Variants in TOX2 observed in about 807,000 individuals in gnomAD.
The protein encoded by TOX2 is TOX high mobility group box family member 2.
TOX2 carries 15 observed loss-of-function variants against 47.4 expected under a neutral mutation model. The ratio of observed to expected loss-of-function variants is 0.32; its 90% CI spans 0.21 to 0.49. The LOEUF (loss-of-function observed/expected upper bound fraction) is 0.49, where lower values mean the gene tolerates loss of function less well. Ranked by LOEUF, TOX2 falls within the 20% of genes least tolerant of loss-of-function variation. The pLI, the probability that TOX2 is intolerant of heterozygous loss-of-function variation, is 0.99. For missense variants in TOX2, 622 were observed against 673.1 expected (o/e 0.92, Z 0.84); for synonymous variants, 290 against 296.6 (o/e 0.98, Z 0.23).
intron 1 of TOX2, among the ~76,000 whole-genome samples, chr20:43,922,826 A>G (rs73908110): frequency 5.1e-4 from 77 of 152,298 alleles, no homozygotes; most frequent in African/African-American, 1.8e-3. Flanking sequence ...CAGATGTTCA[A>G]CAGGTTTTTA....
intron 1 of TOX2, among the ~76,000 whole-genome samples, chr20:43,938,830 C>A (rs2069363891): frequency 6.6e-6 from 1 of 152,160 alleles, no homozygotes; most frequent in African/African-American, 2.4e-5. Context: ...TGACGCCTGC[C>A]CCCAGCACAA....
intron 1 of TOX2, among the ~76,000 whole-genome samples, chr20:43,962,459 G>A (rs1243223166): frequency 6.6e-6 from 1 of 152,240 alleles, no homozygotes; most frequent in African/African-American, 2.4e-5. Flanking sequence ...TCCCATGGCT[G>A]GGGCGAGATT....
rs527450190 is a variant in TOX2, at chr20:44,066,533, C to T, written c.1357-197C>T. On this transcript the variant is annotated intron_variant, in intron 7 of 8. Transcript: ENST00000341197. Reference sequence around the variant, plus strand: ...AGGGAAAGGCCCTGAAAGCCAAGTCCTTCAGCCCCTGATTCAGCCAAGACA... The same window carrying T: ...AGGGAAAGGCCCTGAAAGCCAAGTCTTTCAGCCCCTGATTCAGCCAAGACA... Among the ~76,000 whole-genome samples, 4 of 152,346 alleles carry T rather than the reference C, an allele frequency of 2.6e-5. No homozygotes were observed. In the South Asian group the frequency reaches 8.3e-4, roughly 32 times the overall value.
chr20:43,915,468 G>C lies in TOX2; in HGVS notation c.99+478G>C, dbSNP rs1435512947. ...ACCCGCTGTCACACCCAGGCACAAC[G>C]GGGGACAGTCACACAAAGAAGTCGC... On this transcript the variant is annotated intron_variant, in intron 1 of 8. Coordinates refer to ENST00000341197, the MANE Select transcript of TOX2 (RefSeq NM_001098797.2). The surrounding 1 kb of genome is among the most constrained non-coding windows in gnomAD (Gnocchi z 7.1). 6.6e-6 allele frequency among the ~76,000 whole-genome samples: 1 copy of C among 151,866 alleles called. No homozygotes were observed. The highest frequency in any genetic ancestry group is 2.4e-5 in the African/African-American group (1 of 41,338).
At chr20:44,049,067 C>T (rs1020238319) in intron 3 of TOX2, among the ~76,000 whole-genome samples, 2 of 152,210 alleles carry the variant, frequency 1.3e-5, no homozygotes, top group African/African-American at 4.8e-5. Flanking sequence ...AAGATCGCGC[C>T]ACTGCACTCC....
At chr20:44,046,710 C>T (rs1490002872) in intron 3 of TOX2, among the ~76,000 whole-genome samples, 1 of 151,916 alleles carries the variant, frequency 6.6e-6, no homozygotes, top group Non-Finnish European at 1.5e-5. Context: ...AGATTTTACA[C>T]CTAAAGTAAA....
intron 1 of TOX2, among the ~76,000 whole-genome samples, chr20:43,952,899 G>C (rs751054671): frequency 6.6e-6 from 1 of 152,112 alleles, no homozygotes; most frequent in Non-Finnish European, 1.5e-5. Context: ...AATGGCAAAA[G>C]GGGCTCTGCA....
chr20:44,045,619 T>C (rs1373020039), intron 3 of TOX2, among the ~76,000 whole-genome samples: 1 of 152,212 alleles, frequency 6.6e-6, no homozygotes, highest in African/African-American at 2.4e-5. Flanking sequence ...TTTTACATAC[T>C]AGTCTACACT....
chr20:44,039,824 A>C (rs936848252), intron 3 of TOX2, among the ~76,000 whole-genome samples: 11 of 152,280 alleles, frequency 7.2e-5, no homozygotes, highest in Middle Eastern at 3.4e-3. Context: ...GCTGAGGGTC[A>C]TTCCTGGGGC....
intron 1 of TOX2, among the ~76,000 whole-genome samples, chr20:43,952,436 T>A (rs2069595230): frequency 6.6e-6 from 1 of 152,162 alleles, no homozygotes; most frequent in Non-Finnish European, 1.5e-5. Context: ...TTACTATGTG[T>A]TCCATGACAA....
chr20:44,064,115 C>A (rs989590646), intron 5 of TOX2, among the ~76,000 whole-genome samples: 2 of 152,036 alleles, frequency 1.3e-5, no homozygotes, highest in Non-Finnish European at 1.5e-5. Flanking sequence ...TATTCATATA[C>A]AAAAAAAATT....
In TOX2 at chr20:43,973,352, C is replaced by G. The variant is rs1451866750; in HGVS notation, c.100-15C>G. The G allele has an allele frequency of 2.5e-6, 4 of 1,613,774 alleles. No homozygotes were observed. Among genetic ancestry groups the G allele is most frequent in the East Asian group, 2.2e-5 (1 of 44,880 alleles). ...ATTTTAATCAGAGCTGCTTCTCCCT[C>G]TCTCTCTATTCTAGTTTGATGGTGA... On this transcript the variant is annotated splice_polypyrimidine_tract_variant and intron_variant, in intron 1 of 8. Coordinates refer to ENST00000341197, the MANE Select transcript of TOX2 (RefSeq NM_001098797.2).
At chr20:43,924,036 G>C (rs888150908) in intron 1 of TOX2, among the ~76,000 whole-genome samples, 5 of 152,204 alleles carry the variant, frequency 3.3e-5, no homozygotes, top group African/African-American at 1.2e-4. Context: ...ATGAACAGCA[G>C]GCAGTTCCCT....
chr20:43,951,722 T>TTTTTTTTTTTTTTTTTTTTTG (rs1569027227), intron 1 of TOX2, among the ~76,000 whole-genome samples: 5 of 133,886 alleles, frequency 3.7e-5, no homozygotes, highest in Middle Eastern at 3.6e-3. Flanking sequence ...TTTTTTTTTT[T>TTTTTTTTTTTTTTTTTTTTTG]TTTTTTAGAG....
Position 44,057,207 on chromosome 20 carries a change from C to T in TOX2, c.879+2681C>T, listed in dbSNP as rs559794437. Among the ~76,000 whole-genome samples the T allele has an allele frequency of 6.6e-5, 10 of 152,280 alleles. 1 individual carries two copies. The South Asian group carries it at 1.9e-3, about 28-fold the overall frequency. On this transcript the variant is annotated intron_variant, in intron 5 of 8. Transcript: ENST00000341197. ...AAGTGCTGGGATTAGAGGCATGAGC[C>T]ACTATATCCAGCCATATCTCCTTAT...
At chr20:44,053,433 G>GAT (rs144334824) in intron 4 of TOX2, among the ~76,000 whole-genome samples, 2,359 of 98,116 alleles carry the variant, frequency 0.024, 56 homozygotes, top group African/African-American at 0.066. Context: ...TGGGAGGGCA[G>GAT]ATATATACAC....
At chr20:43,968,917 A>G (rs1383490479) in intron 1 of TOX2, among the ~76,000 whole-genome samples, 2 of 152,188 alleles carry the variant, frequency 1.3e-5, no homozygotes, top group Non-Finnish European at 2.9e-5. Flanking sequence ...AAGATTTTTG[A>G]CCAAGGAACT....
intron 3 of TOX2, among the ~76,000 whole-genome samples, chr20:44,009,412 C>A (rs2070743443): frequency 6.6e-6 from 1 of 152,196 alleles, no homozygotes; most frequent in South Asian, 2.1e-4. Flanking sequence ...CGAAAGAGTT[C>A]AATGAAAATG....
Position 43,982,190 on chromosome 20 carries a change from G to A in TOX2, c.165+8758G>A, listed in dbSNP as rs539610724. On this transcript the variant is annotated intron_variant, in intron 2 of 8. Coordinates refer to ENST00000341197, the MANE Select transcript of TOX2 (RefSeq NM_001098797.2). The stretch of plus-strand genomic sequence containing the variant: ...GGTTGGCTGGGAGCAGAGGGTGTCT[G>A]CACCTGAAGGTGTCAGTCTTCTCAG... Among the ~76,000 whole-genome samples the A allele has an allele frequency of 6.6e-5, 10 of 152,236 alleles. No homozygotes were observed. The South Asian group carries it at 1.9e-3, about 28-fold the overall frequency.
Sources: allele counts gnomAD v4.1 joint callset (sites outside exome capture counted in the v4.1 genomes callset), GRCh38; gene constraint gnomAD v4.1.1; non-coding constraint Gnocchi (gnomAD v3.1); transcripts MANE v1.5; gene names NCBI Gene and HGNC (gene_info 2026-07-23, HGNC 2026-07-21).